The following WWC2 variants were observed in gnomAD, a reference collection of about 807,000 sequenced individuals.
WWC2 encodes the protein protein WWC2.
In WWC2, 101 loss-of-function variants were observed where a neutral mutation model predicts 138.5. That is an observed-to-expected ratio of 0.73 (90% CI 0.62 to 0.86). The LOEUF (loss-of-function observed/expected upper bound fraction) is 0.86. Among genes scored for constraint, WWC2 ranks in the 40% least tolerant of loss-of-function variants. WWC2 has a pLI of 0.00. For missense variants in WWC2, 1,420 were observed against 1,419.4 expected (o/e 1.00, Z -0.01); for synonymous variants, 558 against 538.4 (o/e 1.04, Z -0.50).
intron 22 of WWC2, among the ~76,000 whole-genome samples, chr4:183,314,784 T>G (rs1739378469): frequency 6.6e-6 from 1 of 152,244 alleles, no homozygotes; most frequent in African/African-American, 2.4e-5. Context: ...TTTCCTCTTA[T>G]GAATTGAACA....
intron 1 of WWC2, among the ~76,000 whole-genome samples, chr4:183,189,495 T>C (rs903422826): frequency 4.6e-5 from 7 of 152,088 alleles, no homozygotes; most frequent in African/African-American, 1.7e-4. Context: ...AAATGAAGAT[T>C]CTTTTAGGAC....
At chr4:183,227,158 C>T (rs927954210) in intron 4 of WWC2, among the ~76,000 whole-genome samples, 6 of 151,952 alleles carry the variant, frequency 3.9e-5, no homozygotes, top group Non-Finnish European at 8.8e-5. Context: ...AGAAAGGTTG[C>T]CTATCTAGAG....
At chr4:183,169,335 A>T (rs1190807594) in intron 1 of WWC2, among the ~76,000 whole-genome samples, 2 of 152,342 alleles carry the variant, frequency 1.3e-5, no homozygotes, top group African/African-American at 2.4e-5. Flanking sequence ...GGACTGACTG[A>T]CAAGTACGCT....
chr4:183,305,399 A>C (rs895864881), intron 21 of WWC2, among the ~76,000 whole-genome samples: 2 of 152,200 alleles, frequency 1.3e-5, no homozygotes, highest in Non-Finnish European at 2.9e-5. Context: ...CCACAGAGCC[A>C]GAAAACTCAT....
At chr4:183,224,591 C>T (rs1040516922) in intron 4 of WWC2, among the ~76,000 whole-genome samples, 4 of 151,574 alleles carry the variant, frequency 2.6e-5, no homozygotes, top group Non-Finnish European at 4.4e-5. Flanking sequence ...GACGGAGTCT[C>T]GCTCTGTCAC....
At chr4:183,262,695 G>A (rs1737367907) in intron 11 of WWC2, among the ~76,000 whole-genome samples, 1 of 152,136 alleles carries the variant, frequency 6.6e-6, no homozygotes, top group Admixed American at 6.5e-5. Flanking sequence ...CAGGGGAATG[G>A]TGTGTGTACA....
intron 21 of WWC2, among the ~76,000 whole-genome samples, chr4:183,303,749 A>G (rs569396177): frequency 1.4e-4 from 22 of 152,204 alleles, no homozygotes; most frequent in Non-Finnish European, 2.2e-4. Flanking sequence ...TTAAAACTCA[A>G]AGTACAGATT....
intron 9 of WWC2, 95 bp downstream of exon 9, chr4:183,254,094 C>T (rs990869374): frequency 2.5e-5 from 37 of 1,503,338 alleles, no homozygotes; most frequent in Non-Finnish European, 2.8e-5. Context: ...TCAATTGCAT[C>T]TGTTCTTAGT....
At chr4:183,131,368 G>GA (rs1308868498) in intron 1 of WWC2, among the ~76,000 whole-genome samples, 3 of 151,994 alleles carry the variant, frequency 2.0e-5, no homozygotes, top group Non-Finnish European at 4.4e-5. Flanking sequence ...ATTCATGAAA[G>GA]AAAAAATGGT....
chr4:183,195,802 C>T (rs1735125265), intron 2 of WWC2, among the ~76,000 whole-genome samples: 1 of 152,172 alleles, frequency 6.6e-6, no homozygotes, highest in Admixed American at 6.5e-5. Flanking sequence ...ACTCCACTTC[C>T]TCCATTGTTC....
chr4:183,251,125 C>A (rs1270113910), intron 8 of WWC2, among the ~76,000 whole-genome samples: 1 of 152,168 alleles, frequency 6.6e-6, no homozygotes, highest in African/African-American at 2.4e-5. Flanking sequence ...TTTAAATTTT[C>A]TCTGGGAGAT....
intron 1 of WWC2, among the ~76,000 whole-genome samples, chr4:183,188,515 G>A (rs1409097262): frequency 6.6e-6 from 1 of 152,066 alleles, no homozygotes; most frequent in Non-Finnish European, 1.5e-5. Context: ...TGGGATTACA[G>A]GTATTAGCCA....
At chr4:183,221,035 C>G (rs944066477) in intron 4 of WWC2, among the ~76,000 whole-genome samples, 3 of 152,092 alleles carry the variant, frequency 2.0e-5, no homozygotes, top group Admixed American at 2.0e-4. Flanking sequence ...ATGGTTAAAA[C>G]AAGACCCAAT....
In WWC2 at chr4:183,269,065, G is replaced by A. The variant is rs1737606917; in HGVS notation, c.2302G>A (p.Asp768Asn). 6.2e-7 allele frequency: 1 copy of A among 1,613,908 alleles called. No homozygotes were observed. Among genetic ancestry groups the A allele is most frequent in the Non-Finnish European group, 8.5e-7 (1 of 1,179,862 alleles). ...HPPTESILFN[D>N]VFRVAISQTA... ...GCCCACAGAATCCATTTTATTCAAT[G>A]ATGTGTTCAGAGTCGCCATTTCCCA... Residue 768 changes from aspartate (D) to asparagine (N), a missense_variant, in exon 15 of 23, where the codon GAT becomes AAT. Coordinates refer to ENST00000403733, the MANE Select transcript of WWC2 (RefSeq NM_024949.6).
intron 4 of WWC2, among the ~76,000 whole-genome samples, chr4:183,216,040 G>C (rs1428451232): frequency 6.6e-6 from 1 of 152,160 alleles, no homozygotes; most frequent in East Asian, 1.9e-4. Context: ...ATGAGATAAA[G>C]ATATAATGAA....
chr4:183,306,885 A>AAAAAAAAAAAAAC, intron 21 of WWC2, among the ~76,000 whole-genome samples: 1 of 151,172 alleles, frequency 6.6e-6, no homozygotes, highest in Non-Finnish European at 1.5e-5. Flanking sequence ...ATGAGGCAAA[A>AAAAAAAAAAAAAC]AAAAAAAAAA....
rs869235261 is a variant in WWC2 at position 183,280,229 on chromosome 4, G to GTTTTT, written c.2563-526_2563-522dup. 2.0e-3 allele frequency among the ~76,000 whole-genome samples: 130 copies of GTTTTT among 65,202 alleles called. 1 individual carries two copies. Among genetic ancestry groups the GTTTTT allele is most frequent in the Admixed American group, 2.8e-3 (12 of 4,220 alleles). 42.8% of individuals were successfully genotyped at this position (65,202 alleles called of 152,430 possible). On this transcript the variant is annotated intron_variant, in intron 16 of 22. Coordinates refer to ENST00000403733, the MANE Select transcript of WWC2 (RefSeq NM_024949.6). ...TTACTATTTTAGCCTGATAGCAGCT[G>GTTTTT]TTTTTTTTTTTTTTTTTTTTTTTTT...
chr4:183,100,203 G>T lies in WWC2; in HGVS notation c.131+581G>T, dbSNP rs576423207. On this transcript the variant is annotated intron_variant, in intron 1 of 22. Coordinates refer to ENST00000403733, the MANE Select transcript of WWC2 (RefSeq NM_024949.6). ...TGCCCCTCAGAGTTTAAAAACGCGC[G>T]TTTGGGGGTTTCGCTGTCTGTCGTT... Among the ~76,000 whole-genome samples, 57 of 152,350 alleles carry T rather than the reference G, an allele frequency of 3.7e-4. No homozygotes were observed. In the South Asian group the frequency reaches 0.012, roughly 31 times the overall value.
At chr4:183,296,006 A>C (rs984078920) in intron 21 of WWC2, among the ~76,000 whole-genome samples, 1 of 152,132 alleles carries the variant, frequency 6.6e-6, no homozygotes. Context: ...TTTCACTTTC[A>C]TCTCCTAATT....
Sources: allele counts gnomAD v4.1 joint callset (sites outside exome capture counted in the v4.1 genomes callset), GRCh38; gene constraint gnomAD v4.1.1; transcripts MANE v1.5; gene names NCBI Gene and HGNC (gene_info 2026-07-23, HGNC 2026-07-21).